ATXN7L2: variants seen among roughly 807,000 people sequenced by gnomAD.
ATXN7L2 encodes ataxin 7 like 2, also known as ataxin-7-like protein 2.
Under a neutral mutation model 59.6 loss-of-function variants are expected in ATXN7L2, and 17 were observed. The observed-to-expected ratio is 0.29, with a 90% confidence interval of 0.20 to 0.43. The LOEUF (loss-of-function observed/expected upper bound fraction) is 0.43, where lower values mean the gene tolerates loss of function less well. Ranked by LOEUF, ATXN7L2 falls within the 20% of genes least tolerant of loss-of-function variation. The pLI is 1.00. For synonymous variants in ATXN7L2, 378 were observed against 392.5 expected, an observed-to-expected ratio of 0.96 and a Z score of 0.44; for missense variants, 858 against 1,008.9, an observed-to-expected ratio of 0.85 and a Z score of 2.03.
intron 1 of ATXN7L2, chr1:109,485,658 C>T: frequency 1.0e-6 from 1 of 990,364 alleles, no homozygotes; most frequent in Non-Finnish European, 1.2e-6. Flanking sequence ...AGGACGGTTT[C>T]CCCTTTAAAT....
chr1:109,490,506 T>C, intron 9 of ATXN7L2, 114 bp downstream of exon 9: 1 of 1,428,110 alleles, frequency 7.0e-7, no homozygotes, highest in Non-Finnish European at 9.3e-7. Flanking sequence ...GTGCCTTGGC[T>C]ATTTGCCAGC....
rs372308681 is a variant in ATXN7L2, at chr1:109,490,072, G to C, written c.1276G>C (p.Asp426His). The change falls in exon 8 of 11, where the codon GAC becomes CAC. Residue 426 changes from aspartate to histidine, a missense_variant. Coordinates refer to ENST00000683729, the MANE Select transcript of ATXN7L2 (RefSeq NM_001350175.2). ...EESEEEGTSD[D>H]LHPPPDCHYA... The stretch of plus-strand genomic sequence containing the variant: ...GAGTGAGGAGGAGGGGACATCTGAC[G>C]ACCTCCACCCACCCCCTGACTGCCA... 4 of 1,602,582 alleles carry C rather than the reference G, an allele frequency of 2.5e-6. No individual in the cohort carries two copies. In the Admixed American group the frequency reaches 6.8e-5, roughly 27 times the overall value.
intron 1 of ATXN7L2, chr1:109,485,296 C>A: frequency 1.0e-6 from 1 of 985,138 alleles, no homozygotes; most frequent in Non-Finnish European, 1.2e-6. Flanking sequence ...GAAAAAGCTG[C>A]TTTGCACAGC....
In ATXN7L2 at chr1:109,486,053, C is replaced by T; in HGVS notation, c.128-4C>T. The T allele has an allele frequency of 6.3e-7, 1 of 1,584,020 alleles. No homozygotes were observed. The highest frequency in any genetic ancestry group is 8.6e-7 in the Non-Finnish European group (1 of 1,168,346). On this transcript the variant is annotated splice_polypyrimidine_tract_variant and splice_region_variant and intron_variant, in intron 1 of 10. Coordinates refer to ENST00000683729, the MANE Select transcript of ATXN7L2 (RefSeq NM_001350175.2). This position sits in a 1 kb window ranked among gnomAD's most constrained non-coding sequence, Gnocchi z 4.3. ...GACCCTTCTGAGCTGTGTTTCTCCTCTAGGGGCTGAGCTGGAGGAGAGTAG... is the reference window on the plus strand; with the variant it reads ...GACCCTTCTGAGCTGTGTTTCTCCTTTAGGGGCTGAGCTGGAGGAGAGTAG...
chr1:109,489,057 T>C lies in ATXN7L2; in HGVS notation c.1090T>C (p.Ser364Pro). Residue 364 changes from serine (S) to proline (P), a missense_variant, in exon 7 of 11, where the codon TCT becomes CCT. Ser to Pro is a moderately conservative substitution (Grantham distance 74). This residue lies in a region of ATXN7L2 where 734 missense variants were observed against 862.3 expected (regional missense o/e 0.85). Transcript: ENST00000683729. ...GGTGGCTGCTCCCAGCAGCACCTTC[T>C]CTGTTCGTGCCAAGCAGACCTACCC... ...AAVAAPSSTF[S>P]VRAKQTYPYC... 6.2e-7 allele frequency: 1 copy of C among 1,614,174 alleles called. No homozygotes were observed. The highest frequency in any genetic ancestry group is 8.5e-7 in the Non-Finnish European group (1 of 1,180,006).
chr1:109,484,232 C>G (rs1000033955), intron 1 of ATXN7L2, 152 bp downstream of exon 1: 3 of 834,600 alleles, frequency 3.6e-6, no homozygotes, highest in Admixed American at 4.4e-5. Context: ...TAGTGCCCGC[C>G]CGCTCCGTCA....
chr1:109,492,350 G>A (rs949160093), intron 10 of ATXN7L2, among the ~76,000 whole-genome samples: 2 of 152,128 alleles, frequency 1.3e-5, no homozygotes, highest in East Asian at 1.9e-4. Context: ...GAGGTGGGAC[G>A]GGGGTGCTCT....
Position 109,488,309 on chromosome 1 carries a change from G to A in ATXN7L2, c.797-74G>A. On this transcript the variant is annotated intron_variant, in intron 5 of 10. Transcript: ENST00000683729. The surrounding 1 kb of genome is among the most constrained non-coding windows in gnomAD (Gnocchi z 5.0). ...CTTAGTACCAGTTCTCAGGCCCTTGGCAGGAAGCGGCCAAATCCTCCTGTA... is the reference window on the plus strand; with the variant it reads ...CTTAGTACCAGTTCTCAGGCCCTTGACAGGAAGCGGCCAAATCCTCCTGTA... The A allele has an allele frequency of 2.1e-6, 3 of 1,405,624 alleles. No homozygotes were observed. The highest frequency in any genetic ancestry group is 3.0e-6 in the Non-Finnish European group (3 of 1,013,358). 87.1% of individuals were successfully genotyped at this position (1,405,624 alleles called of 1,614,324 possible).
chr1:109,487,490 T>C (rs2101027571), intron 4 of ATXN7L2, 28 bp from the exon 5 acceptor site: 2 of 1,466,852 alleles, frequency 1.4e-6, no homozygotes, highest in South Asian at 3.0e-5. Context: ...CTCCCCTCCC[T>C]CAGCCAACCC....
intron 7 of ATXN7L2, 51 bp downstream of exon 7, chr1:109,489,151 G>A (rs1386263196): frequency 6.4e-7 from 1 of 1,566,216 alleles, no homozygotes; most frequent in Non-Finnish European, 8.7e-7. Context: ...TGGCCCCTAA[G>A]CCATCAGGGG....
chr1:109,488,473 C>T lies in ATXN7L2; in HGVS notation c.879+8C>T. The T allele has an allele frequency of 6.2e-7, 1 of 1,605,574 alleles. No individual in the cohort carries two copies. Among genetic ancestry groups the T allele is most frequent in the East Asian group, 2.2e-5 (1 of 44,820 alleles). ...CGCCTGTTGACCTGCAAGGTAACCC[C>T]CTTCCCACTGCACGGTGAGGGAGGA... On this transcript the variant is annotated splice_region_variant and intron_variant, in intron 6 of 10. Coordinates refer to ENST00000683729, the MANE Select transcript of ATXN7L2 (RefSeq NM_001350175.2). The surrounding 1 kb of genome is among the most constrained non-coding windows in gnomAD (Gnocchi z 5.0).
chr1:109,484,132 C>T, intron 1 of ATXN7L2, 52 bp downstream of exon 1: 1 of 1,368,396 alleles, frequency 7.3e-7, no homozygotes, highest in Non-Finnish European at 9.5e-7. Context: ...CTCCCCTCCC[C>T]CCTTCCGGGC....
Position 109,491,073 on chromosome 1 carries a change from A to G in ATXN7L2, c.1606A>G (p.Asn536Asp). 1.2e-6 allele frequency: 2 copies of G among 1,613,660 alleles called. No homozygotes were observed. Among genetic ancestry groups the G allele is most frequent in the Non-Finnish European group, 1.7e-6 (2 of 1,179,988 alleles). Residue 536 changes from asparagine to aspartate, a missense_variant, in exon 10 of 11, where the codon AAC (asparagine) becomes GAC (aspartate). Around this residue, in one of 3 missense-constraint regions of ATXN7L2, gnomAD observed 734 missense variants for 862.3 expected, o/e 0.85. Transcript: ENST00000683729. This position sits in a 1 kb window ranked among gnomAD's most constrained non-coding sequence, Gnocchi z 4.1. ...CPASMPPTKD[N>D]LVPSYPAGSP... ...AGCCTCCATGCCCCCCACCAAGGAC[A>G]ACCTTGTCCCCAGCTACCCTGCAGG...
At chr1:109,490,898 A>C (rs1656997071) in intron 9 of ATXN7L2, 24 bp from the exon 10 acceptor site, 2 of 1,536,182 alleles carry the variant, frequency 1.3e-6, no homozygotes, top group Non-Finnish European at 1.8e-6. Flanking sequence ...TGGCAGTCAC[A>C]GTGGGGCTTT....
chr1:109,485,519 G>A lies in ATXN7L2; in HGVS notation c.128-538G>A, dbSNP rs979739153. On this transcript the variant is annotated intron_variant, in intron 1 of 10. Transcript: ENST00000683729. ...CTTTGACAATGCTATGGTAACCCAG[G>A]TGGAGCAAAATTGAGTTCATGGGGG... The A allele has an allele frequency of 1.6e-5, 16 of 985,382 alleles. No individual in the cohort carries two copies. The South Asian group carries it at 5.2e-4, about 32-fold the overall frequency. The allele number at this position is 985,382 out of a possible 1,614,324, so 61.0% of individuals were successfully genotyped here. A position where few individuals can be genotyped will look rare whatever the true frequency, so the allele number is the denominator to read the frequency against.
chr1:109,485,444 T>C (rs1304387905), intron 1 of ATXN7L2: 1 of 985,334 alleles, frequency 1.0e-6, no homozygotes, highest in African/African-American at 1.7e-5. Flanking sequence ...CAGCAGTTTC[T>C]CTGCTCTGTG....
At chr1:109,487,486 T>A (rs1656678391) in intron 4 of ATXN7L2, 32 bp from the exon 5 acceptor site, 1 of 1,452,806 alleles carries the variant, frequency 6.9e-7, no homozygotes, top group African/African-American at 1.4e-5. Context: ...TCCCCTCCCC[T>A]CCCTCAGCCA....
At chr1:109,489,618 C>A in intron 7 of ATXN7L2, 1 of 446,834 alleles carries the variant, frequency 2.2e-6, no homozygotes, top group Non-Finnish European at 4.0e-6. Context: ...ACTGGGCTGA[C>A]CAGAGCTGGG....
At chr1:109,484,479 T>G (rs1656427513) in intron 1 of ATXN7L2, among the ~76,000 whole-genome samples, 4 of 132,228 alleles carry the variant, frequency 3.0e-5, no homozygotes, top group Non-Finnish European at 4.8e-5. Context: ...ACCCCCCTTG[T>G]TCCTTCGCCT....
Sources: allele counts gnomAD v4.1 joint callset (sites outside exome capture counted in the v4.1 genomes callset), GRCh38; gene constraint gnomAD v4.1.1; regional missense constraint gnomAD v4.1.1; non-coding constraint Gnocchi (gnomAD v3.1); transcripts MANE v1.5; gene names NCBI Gene and HGNC (gene_info 2026-07-23, HGNC 2026-07-21).